The following TEKT1 variants were observed in gnomAD, a reference collection of about 807,000 sequenced individuals.
TEKT1 encodes the protein tektin 1, also known as tektin-1.
A neutral mutation model predicts 34.8 loss-of-function variants in TEKT1; 32 were observed. The ratio of observed to expected loss-of-function variants is 0.92; its 90% CI spans 0.69 to 1.23. TEKT1 has a LOEUF of 1.23. Ranked by LOEUF, TEKT1 falls within the 50% of genes most tolerant of loss-of-function variation. TEKT1 has a pLI of 0.00. For missense variants in TEKT1, 492 were observed against 518.5 expected, an observed-to-expected ratio of 0.95 and a Z score of 0.50; for synonymous variants, 207 against 199.8, an observed-to-expected ratio of 1.04 and a Z score of -0.30.
At chr17:6,820,520 C>T (rs916303558) in intron 2 of TEKT1, among the ~76,000 whole-genome samples, 2 of 152,104 alleles carry the variant, frequency 1.3e-5, no homozygotes, top group Non-Finnish European at 2.9e-5. Context: ...AGGTTTACAA[C>T]ATGACATTAT....
At chr17:6,813,551 GAC>G (rs34316443) in intron 5 of TEKT1, among the ~76,000 whole-genome samples, 23,390 of 134,916 alleles carry the variant, frequency 0.17, 1,914 homozygotes, top group Middle Eastern at 0.19. Flanking sequence ...GAAGAAACCA[GAC>G]ACACACACAC....
At chr17:6,815,066 C>T (rs1345730775) in intron 5 of TEKT1, 97 bp downstream of exon 5, 11 of 1,482,786 alleles carry the variant, frequency 7.4e-6, no homozygotes, top group Non-Finnish European at 1.0e-5. Context: ...CCACCACTTC[C>T]AAGCTCTCAG....
chr17:6,820,315 A>G (rs538897337), intron 2 of TEKT1, among the ~76,000 whole-genome samples: 1 of 152,142 alleles, frequency 6.6e-6, no homozygotes, highest in African/African-American at 2.4e-5. Flanking sequence ...AATGATAATT[A>G]AAGGCAGATT....
intron 5 of TEKT1, among the ~76,000 whole-genome samples, chr17:6,813,946 T>TTCTCTCTCTCTCTCTCTCTCTCTCTCTC (rs71157224): frequency 6.9e-6 from 1 of 145,852 alleles, no homozygotes; most frequent in African/African-American, 2.6e-5. Flanking sequence ...CTGTCATCCG[T>TTCTCTCTCTCTCTCTCTCTCTCTCTCTC]TCTCTCTCTC....
At chr17:6,818,064 G>T (rs1238814428) in intron 3 of TEKT1, among the ~76,000 whole-genome samples, 1 of 152,136 alleles carries the variant, frequency 6.6e-6, no homozygotes, top group Non-Finnish European at 1.5e-5. Context: ...CAGGGGCATG[G>T]TGCATTTGAG....
chr17:6,817,847 A>T (rs1977027082), intron 3 of TEKT1, among the ~76,000 whole-genome samples: 2 of 152,234 alleles, frequency 1.3e-5, no homozygotes, highest in Non-Finnish European at 1.5e-5. Flanking sequence ...AGTACCTGGC[A>T]CATAGTACAT....
At chr17:6,817,882 C>G (rs866689183) in intron 3 of TEKT1, among the ~76,000 whole-genome samples, 5 of 152,204 alleles carry the variant, frequency 3.3e-5, no homozygotes, top group African/African-American at 4.8e-5. Flanking sequence ...GCAGCCTCTA[C>G]GTTATCATTA....
chr17:6,828,465 TAA>T (rs1414878913), intron 2 of TEKT1, among the ~76,000 whole-genome samples: 1 of 152,220 alleles, frequency 6.6e-6, no homozygotes, highest in African/African-American at 2.4e-5. Context: ...ATAAATAAAT[TAA>T]GTCAGTTACC....
rs1976761725 is a variant in TEKT1, at chr17:6,800,870, G to A, written c.926C>T (p.Pro309Leu). The change falls in exon 7 of 8, where the codon CCA becomes CTA. Residue 309 changes from proline (P) to leucine (L), a missense_variant. By Grantham distance (98) the Pro-to-Leu change is moderately conservative. Coordinates refer to ENST00000338694, the MANE Select transcript of TEKT1 (RefSeq NM_053285.2). ...LEKAILDQEGPAKVAHTRLET... is the reference protein window; with the variant it reads ...LEKAILDQEGLAKVAHTRLET... The stretch of plus-strand genomic sequence containing the variant: ...CAAGCGCGTATGAGCCACCTTGGCT[G>A]GCCCTTCTTGGTCAAGGATGGCCTT... 1 of 1,614,002 alleles carries A rather than the reference G, an allele frequency of 6.2e-7. No individual in the cohort carries two copies. Among genetic ancestry groups the A allele is most frequent in the Non-Finnish European group, 8.5e-7 (1 of 1,180,026 alleles).
At chr17:6,816,797 G>C (rs1036747607) in intron 3 of TEKT1, among the ~76,000 whole-genome samples, 4 of 152,072 alleles carry the variant, frequency 2.6e-5, no homozygotes, top group Admixed American at 6.5e-5. Context: ...GATCCTTGAG[G>C]AATCACCACA....
At chr17:6,801,667 C>T (rs1797024576) in intron 6 of TEKT1, among the ~76,000 whole-genome samples, 1 of 151,946 alleles carries the variant, frequency 6.6e-6, no homozygotes, top group South Asian at 2.1e-4. Context: ...AAGATCGTGC[C>T]ACTGCACTCC....
rs150122490 is a variant in TEKT1 at position 6,816,405 on chromosome 17, C to T, written c.357-443G>A. 2.1e-3 allele frequency among the ~76,000 whole-genome samples: 320 copies of T among 152,228 alleles called. 5 individuals are homozygous for T. Among genetic ancestry groups the T allele is most frequent in the African/African-American group, 7.3e-3 (303 of 41,522 alleles). On this transcript the variant is annotated intron_variant, in intron 3 of 7. Coordinates refer to ENST00000338694, the MANE Select transcript of TEKT1 (RefSeq NM_053285.2). The stretch of plus-strand genomic sequence containing the variant: ...CAGCCCCCCACACCCTGACAGGCCC[C>T]GGTGTGTGATGTTCCCTGCCCTTTG...
rs1976721744 is a variant in TEKT1, at chr17:6,798,327, G to C, written c.*1700C>G. 1 of 152,420 alleles carries C rather than the reference G, an allele frequency of 6.6e-6. No homozygotes were observed. The highest frequency in any genetic ancestry group is 2.1e-4 in the South Asian group (1 of 4,834). 9.4% of individuals were successfully genotyped at this position (152,420 alleles called of 1,614,324 possible). On this transcript the variant is annotated 3_prime_UTR_variant, in exon 8 of 8. Transcript: ENST00000338694. The stretch of plus-strand genomic sequence containing the variant: ...CACCACTGAGGCTGGCTGCCTCTGA[G>C]AGCTGTATTCACAAGGAAGGATTTT...
chr17:6,818,664 C>A (rs1201668862), intron 3 of TEKT1, among the ~76,000 whole-genome samples: 4 of 152,172 alleles, frequency 2.6e-5, no homozygotes. Flanking sequence ...TGATTAAGTT[C>A]TGTCAATAGG....
At chr17:6,818,898 G>GTT (rs1977046146) in intron 3 of TEKT1, among the ~76,000 whole-genome samples, 1 of 152,176 alleles carries the variant, frequency 6.6e-6, no homozygotes, top group South Asian at 2.1e-4. Flanking sequence ...ATGTAAGAGA[G>GTT]AAAGAAATCG....
intron 2 of TEKT1, among the ~76,000 whole-genome samples, chr17:6,820,239 T>G (rs369067848): frequency 6.6e-6 from 1 of 152,152 alleles, no homozygotes; most frequent in Non-Finnish European, 1.5e-5. Context: ...ATAAATTTCT[T>G]TTCTTACAAA....
chr17:6,801,581 A>G (rs1447010676), intron 6 of TEKT1, among the ~76,000 whole-genome samples: 3 of 151,992 alleles, frequency 2.0e-5, no homozygotes, highest in East Asian at 3.9e-4. Context: ...TGTGGCACAC[A>G]CCTGTAATCC....
At chr17:6,809,272 C>A (rs1976892682) in intron 6 of TEKT1, among the ~76,000 whole-genome samples, 1 of 152,164 alleles carries the variant, frequency 6.6e-6, no homozygotes, top group Admixed American at 6.5e-5. Context: ...TACTCTGTCA[C>A]CCAGGCTGGA....
In TEKT1 at chr17:6,815,888, T is replaced by C. The variant is rs759030327; in HGVS notation, c.431A>G (p.Gln144Arg). ...HELIKEAEIIQGIMALLTRTL... is the reference protein window; with the variant it reads ...HELIKEAEIIRGIMALLTRTL... ...ACGGGTCAGCAGAGCCATAATGCCCTGGATGATCTCAGCCTCCTTTATCAG... is the reference window on the plus strand; with the variant it reads ...ACGGGTCAGCAGAGCCATAATGCCCCGGATGATCTCAGCCTCCTTTATCAG... Residue 144 changes from glutamine (Q) to arginine (R), a missense_variant, in exon 4 of 8, where the codon CAG becomes CGG. Physicochemically the swap from Gln to Arg is conservative, Grantham distance 43. Transcript: ENST00000338694. 1 of 1,614,204 alleles carries C rather than the reference T, an allele frequency of 6.2e-7. No homozygotes were observed. The highest frequency in any genetic ancestry group is 8.5e-7 in the Non-Finnish European group (1 of 1,180,032).
Sources: gnomAD v4.1 joint callset for allele counts (sites outside exome capture counted in the v4.1 genomes callset) on GRCh38, gnomAD v4.1.1 for gene constraint, MANE v1.5 for transcripts, NCBI Gene and HGNC (gene_info 2026-07-23, HGNC 2026-07-21) for gene names.